Variants in TIAM1 observed in about 807,000 individuals in gnomAD.
TIAM1 encodes TIAM Rac1 associated GEF 1.
A neutral mutation model predicts 163.5 loss-of-function variants in TIAM1; 65 were observed. That is an observed-to-expected ratio of 0.40 (90% CI 0.33 to 0.49). The LOEUF is 0.49. Ranked by LOEUF, TIAM1 falls within the 20% of genes least tolerant of loss-of-function variation. The pLI, the probability that TIAM1 is intolerant of heterozygous loss-of-function variation, is 0.77. For synonymous variants in TIAM1, 833 were observed against 810.1 expected, an observed-to-expected ratio of 1.03 and a Z score of -0.48; for missense variants, 1,789 against 2,044.7, an observed-to-expected ratio of 0.87 and a Z score of 2.41.
At chr21:31,337,384 A>G (rs1425348717) in intron 2 of TIAM1, among the ~76,000 whole-genome samples, 2 of 152,076 alleles carry the variant, frequency 1.3e-5, no homozygotes, top group East Asian at 3.9e-4. Flanking sequence ...TCCACCAAAG[A>G]CAGCAGGAGC....
chr21:31,549,830 A>AT (rs894869233), intron 1 of TIAM1, among the ~76,000 whole-genome samples: 1 of 152,196 alleles, frequency 6.6e-6, no homozygotes, highest in Non-Finnish European at 1.5e-5. Context: ...CCAAAAGAAT[A>AT]TTTTTTTAAA....
At chr21:31,543,571 A>T (rs192283490) in intron 1 of TIAM1, among the ~76,000 whole-genome samples, 1 of 152,316 alleles carries the variant, frequency 6.6e-6, no homozygotes, top group African/African-American at 2.4e-5. Flanking sequence ...GAAGCAGAAC[A>T]TCGAGGAAAA....
intron 1 of TIAM1, among the ~76,000 whole-genome samples, chr21:31,522,195 C>G (rs556889766): frequency 1.3e-5 from 2 of 151,106 alleles, no homozygotes; most frequent in African/African-American, 4.8e-5. Context: ...CTTAATTATT[C>G]TTAATAATTT....
In TIAM1 at chr21:31,316,966, C is replaced by G. The variant is rs1051454847; in HGVS notation, c.-189+22277G>C. On this transcript the variant is annotated intron_variant, in intron 2 of 27. Coordinates refer to ENST00000541036, the MANE Select transcript of TIAM1 (RefSeq NM_001353694.2). ...AAATGGCCAGGGATGTCCAGGAAAC[C>G]TACGTTGCTGTACCTCTGAGTCACA... Among the ~76,000 whole-genome samples the G allele has an allele frequency of 7.9e-5, 12 of 152,260 alleles. No homozygotes were observed. In the East Asian group the frequency reaches 2.1e-3, roughly 27 times the overall value.
intron 2 of TIAM1, among the ~76,000 whole-genome samples, chr21:31,458,889 T>G (rs988675161): frequency 6.6e-6 from 1 of 152,002 alleles, no homozygotes; most frequent in African/African-American, 2.4e-5. Context: ...AAGGAGAGTA[T>G]TGGGGGCATG....
At chr21:31,526,891 G>A (rs970762854) in intron 1 of TIAM1, among the ~76,000 whole-genome samples, 6 of 152,006 alleles carry the variant, frequency 3.9e-5, no homozygotes, top group South Asian at 2.1e-4. Flanking sequence ...TAGTAGAGAC[G>A]GGGTTTTGCC....
chr21:31,124,585 C>A lies in TIAM1; in HGVS notation c.4243G>T (p.Val1415Phe). The change falls in exon 27 of 28, where the codon GTC (valine) becomes TTC (phenylalanine). Residue 1415 changes from valine (V) to phenylalanine (F), a missense_variant. Physicochemically the swap from Val to Phe is conservative, Grantham distance 50 (BLOSUM62 -1). Transcript: ENST00000541036. ...CACAATCTTTTGCCTCCAAAAGGGA[C>A]ATATTGCTGGGATGAGGGAAGGCTC... ...TESLPSSQQY[V>F]PFGGKRLCAL... The A allele has an allele frequency of 6.2e-7, 1 of 1,613,884 alleles. No individual in the cohort carries two copies. The highest frequency in any genetic ancestry group is 8.5e-7 in the Non-Finnish European group (1 of 1,179,940).
chr21:31,441,512 T>C (rs146099158), intron 2 of TIAM1, among the ~76,000 whole-genome samples: 28 of 152,292 alleles, frequency 1.8e-4, no homozygotes, highest in Admixed American at 8.5e-4. Flanking sequence ...AAGGCACAAG[T>C]TGGCGATAGC....
intron 2 of TIAM1, among the ~76,000 whole-genome samples, chr21:31,433,585 A>G (rs1403574104): frequency 6.6e-6 from 1 of 152,212 alleles, no homozygotes. Context: ...CTCAGAATAT[A>G]AGAAGAAAAG....
intron 4 of TIAM1, among the ~76,000 whole-genome samples, chr21:31,255,446 C>A (rs1601719383): frequency 6.6e-6 from 1 of 152,296 alleles, no homozygotes; most frequent in East Asian, 1.9e-4. Context: ...CTACTCAACA[C>A]CGCTCTTTCT....
intron 2 of TIAM1, among the ~76,000 whole-genome samples, chr21:31,446,298 T>C (rs898690458): frequency 2.0e-5 from 3 of 152,164 alleles, no homozygotes; most frequent in Non-Finnish European, 2.9e-5. Flanking sequence ...AGCTGAAAAA[T>C]AGAAGCAAGC....
At chr21:31,331,450 A>G (rs1267092804) in intron 2 of TIAM1, among the ~76,000 whole-genome samples, 2 of 152,216 alleles carry the variant, frequency 1.3e-5, no homozygotes, top group African/African-American at 4.8e-5. Context: ...CCCAGAACCC[A>G]AACGTGTCTT....
At chr21:31,292,359 GC>G (rs1264256230) in intron 2 of TIAM1, among the ~76,000 whole-genome samples, 1 of 149,430 alleles carries the variant, frequency 6.7e-6, no homozygotes, top group Admixed American at 6.7e-5. Context: ...AGGTCACCTT[GC>G]TTTCAATTTC....
intron 2 of TIAM1, among the ~76,000 whole-genome samples, chr21:31,296,681 T>G (rs1254630944): frequency 6.6e-6 from 1 of 152,094 alleles, no homozygotes; most frequent in Non-Finnish European, 1.5e-5. Flanking sequence ...TTTTTTTTCT[T>G]GAGACAGAGT....
chr21:31,336,284 C>T (rs1234719966), intron 2 of TIAM1, among the ~76,000 whole-genome samples: 1 of 152,188 alleles, frequency 6.6e-6, no homozygotes, highest in Non-Finnish European at 1.5e-5. Flanking sequence ...TGTTGAACTA[C>T]ATCTGAAGTA....
In TIAM1 at chr21:31,147,355, C is replaced by T. The variant is rs2146298431; in HGVS notation, c.3367-352G>A. 6.6e-5 allele frequency among the ~76,000 whole-genome samples: 10 copies of T among 152,196 alleles called. 2 individuals are homozygous for T. The South Asian group carries it at 2.1e-3, about 32-fold the overall frequency. ...GAAATCTCAATTCTCTCATTAGCTC[C>T]TGTTGGCAAACTAAATAAAGGCAGG... is the stretch of plus-strand genomic sequence containing the variant. On this transcript the variant is annotated intron_variant, in intron 19 of 27. Transcript: ENST00000541036.
At position 31,245,012 on chromosome 21, in the gene TIAM1, G is replaced by C. The variant is rs183621626; in HGVS notation, c.1584+476C>G. On this transcript the variant is annotated intron_variant, in intron 6 of 27. Transcript: ENST00000541036. ...GATGCTGAGTAGAAAGTTCTGATCA[G>C]ATGAGGAAGAGAAACTGTTTAGGTG... 2.4e-4 allele frequency among the ~76,000 whole-genome samples: 37 copies of C among 152,234 alleles called. No individual in the cohort carries two copies. The East Asian group carries it at 6.8e-3, about 28-fold the overall frequency.
intron 3 of TIAM1, among the ~76,000 whole-genome samples, chr21:31,274,456 T>C (rs896279475): frequency 1.3e-5 from 2 of 152,198 alleles, no homozygotes; most frequent in African/African-American, 4.8e-5. Context: ...CAAAGGAATC[T>C]GGAAACAACT....
At chr21:31,158,940 C>T (rs1442792458) in intron 16 of TIAM1, among the ~76,000 whole-genome samples, 1 of 152,128 alleles carries the variant, frequency 6.6e-6, no homozygotes, top group Non-Finnish European at 1.5e-5. Context: ...ATTCCCACAC[C>T]AAGCGCTGTA....
Sources: allele counts gnomAD v4.1 joint callset (sites outside exome capture counted in the v4.1 genomes callset), GRCh38; gene constraint gnomAD v4.1.1; transcripts MANE v1.5; gene names NCBI Gene and HGNC (gene_info 2026-07-23, HGNC 2026-07-21).